Variants in PPP6R1 observed in about 807,000 individuals in gnomAD.
The protein encoded by PPP6R1 is protein phosphatase 6 regulatory subunit 1, also known as serine/threonine-protein phosphatase 6 regulatory subunit 1.
A neutral mutation model predicts 104.6 loss-of-function variants in PPP6R1; 39 were observed. The observed-to-expected ratio is 0.37, with a 90% CI of 0.29 to 0.49. The LOEUF (loss-of-function observed/expected upper bound fraction) is 0.49. Ranked by LOEUF, PPP6R1 falls within the 20% of genes least tolerant of loss-of-function variation. The pLI is 0.98. For synonymous variants in PPP6R1, 549 were observed against 479.0 expected, an observed-to-expected ratio of 1.15 and a Z score of -1.91; for missense variants, 1,181 against 1,155.8, an observed-to-expected ratio of 1.02 and a Z score of -0.32.
At chr19:55,243,891 A>G (rs1045815241) in intron 5 of PPP6R1, among the ~76,000 whole-genome samples, 2 of 152,210 alleles carry the variant, frequency 1.3e-5, no homozygotes, top group Admixed American at 6.5e-5. Flanking sequence ...GGGCTCAAGC[A>G]ATCCTCCAGC....
At chr19:55,253,165 C>T (rs1446340141) in intron 1 of PPP6R1, among the ~76,000 whole-genome samples, 3 of 152,232 alleles carry the variant, frequency 2.0e-5, no homozygotes, top group Non-Finnish European at 1.5e-5. Flanking sequence ...TCCATGGACC[C>T]GCACTTGCAG....
intron 1 of PPP6R1, among the ~76,000 whole-genome samples, chr19:55,258,201 G>A (rs1600121551): frequency 6.6e-6 from 1 of 152,234 alleles, no homozygotes; most frequent in Admixed American, 6.5e-5. Context: ...GAGAGCAAGA[G>A]ACTGAGACTA....
At chr19:55,231,517 G>A in intron 20 of PPP6R1, 26 bp from the exon 21 acceptor site, 2 of 1,598,644 alleles carry the variant, frequency 1.3e-6, no homozygotes, top group Non-Finnish European at 8.5e-7. Flanking sequence ...GATCTCAGCT[G>A]CAGCTCCCAG....
rs772874167 is a variant in PPP6R1 at position 55,230,247 on chromosome 19, C to A, written c.*281G>T. ...CTCTCTCTCGCTCTCCTCCCTCTCTCTATATAATATATAATATATGTTTCT... is the reference window on the plus strand; with the variant it reads ...CTCTCTCTCGCTCTCCTCCCTCTCTATATATAATATATAATATATGTTTCT... On this transcript the variant is annotated 3_prime_UTR_variant, in exon 24 of 24. Coordinates refer to ENST00000412770, the MANE Select transcript of PPP6R1 (RefSeq NM_014931.4). The A allele has an allele frequency of 1.3e-4, 65 of 509,876 alleles. No individual in the cohort carries two copies. Among genetic ancestry groups the A allele is most frequent in the Middle Eastern group, 5.3e-4 (1 of 1,876 alleles). The allele number at this position is 509,876 out of a possible 1,614,324, so 31.6% of individuals were successfully genotyped here. A position where few individuals can be genotyped will look rare whatever the true frequency, so the allele number is the denominator to read the frequency against.
At chr19:55,233,589 A>G (rs887832454) in intron 17 of PPP6R1, among the ~76,000 whole-genome samples, 1 of 152,268 alleles carries the variant, frequency 6.6e-6, no homozygotes, top group Admixed American at 6.5e-5. Flanking sequence ...ACATTAGTTC[A>G]GCAAGGTTGC....
At chr19:55,236,591 G>A (rs1469856478) in intron 17 of PPP6R1, 52 bp downstream of exon 17, 11 of 1,458,776 alleles carry the variant, frequency 7.5e-6, no homozygotes, top group Non-Finnish European at 9.9e-6. Flanking sequence ...GGGACCCCTT[G>A]GCCCTGCCGT....
rs371894735 is a variant in PPP6R1, at chr19:55,247,433, G to A, written c.-6-324C>T. The stretch of plus-strand genomic sequence containing the variant: ...CACCTGAGGCCTCAGGCCTGGTGAA[G>A]TCCCCAGGTGTGGACCATGTGCAGG... On this transcript the variant is annotated intron_variant, in intron 1 of 23. Coordinates refer to ENST00000412770, the MANE Select transcript of PPP6R1 (RefSeq NM_014931.4). 8.1e-6 allele frequency: 3 copies of A among 368,262 alleles called. No individual in the cohort carries two copies. The Admixed American group carries it at 1.3e-4, about 16-fold the overall frequency. The allele number at this position is 368,262 out of a possible 1,614,324, so 22.8% of individuals were successfully genotyped here. A position where few individuals can be genotyped will look rare whatever the true frequency, so the allele number is the denominator to read the frequency against.
chr19:55,231,749 C>T, intron 19 of PPP6R1, 53 bp downstream of exon 19: 1 of 1,493,444 alleles, frequency 6.7e-7, no homozygotes, highest in Non-Finnish European at 8.9e-7. Flanking sequence ...CCCATGGCCA[C>T]CTCCTGGCCT....
At position 55,242,239 on chromosome 19, in the gene PPP6R1, C is replaced by A; in HGVS notation, c.772G>T (p.Gly258Trp). Reference sequence around the variant, plus strand: ...ACGATGACAGACTGGCTCTGCTCCCCCTCGAACATGTTGCTTAAGAGCTGC... The same window carrying A: ...ACGATGACAGACTGGCTCTGCTCCCACTCGAACATGTTGCTTAAGAGCTGC... ...IEQLLSNMFE[G>W]EQSQSVIVSG... The change falls in exon 7 of 24, where the codon GGG becomes TGG. Residue 258 changes from glycine (G) to tryptophan (W), a missense_variant. By Grantham distance (184) the Gly-to-Trp change is radical. This residue lies in a region of PPP6R1 where 1,042 missense variants were observed against 955.6 expected (regional missense o/e 1.09). Transcript: ENST00000412770. The A allele has an allele frequency of 6.2e-7, 1 of 1,613,976 alleles. No individual in the cohort carries two copies. The highest frequency in any genetic ancestry group is 8.5e-7 in the Non-Finnish European group (1 of 1,179,896).
chr19:55,241,008 C>T lies in PPP6R1; in HGVS notation c.1233G>A (p.Leu411=). The stretch of plus-strand genomic sequence containing the variant: ...TGCTGTCAGGAGGTGGCCCCAAGCT[C>T]AGCATGGTGCTCACGCATCCCTCTA... ...AQVEGCVSTM[L]SLGPPPDSSP... The change falls in exon 10 of 24, where the codon CTG becomes CTA. Residue 411 remains leucine, a synonymous_variant. Coordinates refer to ENST00000412770, the MANE Select transcript of PPP6R1 (RefSeq NM_014931.4). This position sits in a 1 kb window ranked among gnomAD's most constrained non-coding sequence, Gnocchi z 5.4. The T allele has an allele frequency of 7.5e-6, 12 of 1,590,338 alleles. No homozygotes were observed. Among genetic ancestry groups the T allele is most frequent in the Non-Finnish European group, 1.0e-5 (12 of 1,168,718 alleles).
chr19:55,235,039 T>C, intron 17 of PPP6R1, among the ~76,000 whole-genome samples: 1 of 152,124 alleles, frequency 6.6e-6, no homozygotes. Flanking sequence ...TATGTACACT[T>C]GTCTATACGC....
chr19:55,231,000 A>T, intron 21 of PPP6R1, 116 bp from the exon 22 acceptor site: 1 of 882,120 alleles, frequency 1.1e-6, no homozygotes, highest in Non-Finnish European at 1.8e-6. Flanking sequence ...CACCTGCCCC[A>T]CGGGGAGGGG....
chr19:55,256,116 G>A (rs149973487), intron 1 of PPP6R1, among the ~76,000 whole-genome samples: 4 of 152,214 alleles, frequency 2.6e-5, no homozygotes, highest in African/African-American at 9.6e-5. Context: ...AGACAAGCAG[G>A]TTCTCCTCTA....
chr19:55,229,837 G>A lies in PPP6R1; in HGVS notation c.*691C>T, dbSNP rs3826886. 25,435 of 153,544 alleles carry A rather than the reference G, an allele frequency of 0.17. 2,195 individuals are homozygous for A. Among genetic ancestry groups the A allele is most frequent in the Middle Eastern group, 0.24 (302 of 1,254 alleles). 9.5% of individuals were successfully genotyped at this position (153,544 alleles called of 1,614,324 possible). The stretch of plus-strand genomic sequence containing the variant: ...TATGAAATAGAAGCTCGGCACAAAC[G>A]CACGCACACTCACACCAGCCTGGGA... On this transcript the variant is annotated 3_prime_UTR_variant, in exon 24 of 24. Coordinates refer to ENST00000412770, the MANE Select transcript of PPP6R1 (RefSeq NM_014931.4).
At chr19:55,247,260 C>T (rs7258327) in intron 1 of PPP6R1, 151 bp from the exon 2 acceptor site, 698,088 of 768,796 alleles carry the variant, frequency 0.91, 317,589 homozygotes, top group East Asian at 0.95. Flanking sequence ...GGCCCCGCCC[C>T]GGGACTGCCC....
intron 21 of PPP6R1, 145 bp from the exon 22 acceptor site, chr19:55,231,029 G>A: frequency 1.4e-6 from 1 of 704,780 alleles, no homozygotes; most frequent in Non-Finnish European, 2.4e-6. Context: ...GGACGCAGCT[G>A]GCTCAGCGTG....
chr19:55,246,748 C>T, intron 2 of PPP6R1, 129 bp downstream of exon 2: 1 of 932,368 alleles, frequency 1.1e-6, no homozygotes, highest in Non-Finnish European at 1.6e-6. Context: ...CTGCTCCCAG[C>T]CTCGTCTTCC....
intron 17 of PPP6R1, 85 bp from the exon 18 acceptor site, chr19:55,232,296 C>G (rs117201644): frequency 0.01 from 14,864 of 1,459,078 alleles, 96 homozygotes; most frequent in Non-Finnish European, 0.012. Flanking sequence ...AGGGTCAGCC[C>G]AAGGAGAGCG....
chr19:55,236,581 G>A (rs1456962010), intron 17 of PPP6R1, 62 bp downstream of exon 17: 1 of 1,443,812 alleles, frequency 6.9e-7, no homozygotes, highest in Middle Eastern at 2.5e-4. Flanking sequence ...ATGTGTTGGG[G>A]GGACCCCTTG....
Sources: allele counts gnomAD v4.1 joint callset (sites outside exome capture counted in the v4.1 genomes callset), GRCh38; gene constraint gnomAD v4.1.1; regional missense constraint gnomAD v4.1.1; non-coding constraint Gnocchi (gnomAD v3.1); transcripts MANE v1.5; gene names NCBI Gene and HGNC (gene_info 2026-07-23, HGNC 2026-07-21).